Variants in SORL1 observed in about 807,000 individuals in gnomAD.
SORL1 encodes sortilin related receptor 1.
SORL1 carries 127 observed loss-of-function variants against 273.7 expected under a neutral mutation model. The observed-to-expected ratio is 0.46, with a 90% CI of 0.40 to 0.54. SORL1 has a LOEUF of 0.54. Among genes scored for constraint, SORL1 ranks in the 20% least tolerant of loss-of-function variants. SORL1 has a pLI of 0.00. For missense variants in SORL1, 2,494 were observed against 2,846.1 expected (o/e 0.88, Z 2.81); for synonymous variants, 1,031 against 1,067.4 (o/e 0.97, Z 0.66).
In SORL1 at chr11:121,631,553, CT is replaced by C. The variant is rs1863877018; in HGVS notation, c.*1991del. The C allele has an allele frequency of 6.6e-6, 1 of 152,124 alleles. No individual in the cohort carries two copies. Among genetic ancestry groups the C allele is most frequent in the African/African-American group, 2.4e-5 (1 of 41,416 alleles). The allele number at this position is 152,124 out of a possible 1,614,324, so 9.4% of individuals were successfully genotyped here. A position where few individuals can be genotyped will look rare whatever the true frequency, so the allele number is the denominator to read the frequency against. On this transcript the variant is annotated 3_prime_UTR_variant, in exon 48 of 48. Transcript: ENST00000260197. The stretch of plus-strand genomic sequence containing the variant: ...AGGAAGTGTATTTTCTTTTCTTTTT[CT>C]GCCAACTTTTTGGTGGCATTTGTAA...
intron 45 of SORL1, among the ~76,000 whole-genome samples, chr11:121,623,044 T>C (rs1863745948): frequency 6.6e-6 from 1 of 152,256 alleles, no homozygotes; most frequent in Non-Finnish European, 1.5e-5. Flanking sequence ...CCACACACTC[T>C]GTGAGAATTC....
intron 22 of SORL1, 64 bp downstream of exon 22, chr11:121,567,177 G>A: frequency 7.1e-7 from 1 of 1,411,450 alleles, no homozygotes; most frequent in Non-Finnish European, 9.8e-7. Flanking sequence ...CCCGCCAGGG[G>A]AGGGAGGGAT....
Position 121,570,184 on chromosome 11 carries a change from G to T in SORL1, c.3251G>T (p.Arg1084Leu). Residue 1084 changes from arginine to leucine, a missense_variant, in exon 23 of 48, where the codon CGC becomes CTC. Around this residue, in one of 3 missense-constraint regions of SORL1, gnomAD observed 1,609 missense variants for 1,816.4 expected, o/e 0.89. Coordinates refer to ENST00000260197, the MANE Select transcript of SORL1 (RefSeq NM_003105.6). ...AACACCTGTCTTCGCAACCAGTATCGCTGCAGCAACGGGAACTGTATCAAC... is the reference window on the plus strand; with the variant it reads ...AACACCTGTCTTCGCAACCAGTATCTCTGCAGCAACGGGAACTGTATCAAC... The part of the protein sequence containing the change: ...QENTCLRNQY[R>L]CSNGNCINSI... 6.2e-7 allele frequency: 1 copy of T among 1,613,770 alleles called. No homozygotes were observed. The highest frequency in any genetic ancestry group is 1.3e-5 in the African/African-American group (1 of 75,016).
In SORL1 at chr11:121,543,543, G is replaced by C; in HGVS notation, c.1686-5G>C. ...GCAAGGATTCTCTTACTTGCATTTG[G>C]GCAGATACAGTACCAATGAAGGGGA... is the stretch of plus-strand genomic sequence containing the variant. On this transcript the variant is annotated splice_polypyrimidine_tract_variant and splice_region_variant and intron_variant, in intron 12 of 47. Coordinates refer to ENST00000260197, the MANE Select transcript of SORL1 (RefSeq NM_003105.6). 2 of 1,608,728 alleles carry C rather than the reference G, an allele frequency of 1.2e-6. No homozygotes were observed. The highest frequency in any genetic ancestry group is 1.7e-6 in the Non-Finnish European group (2 of 1,175,698).
intron 39 of SORL1, 79 bp from the exon 40 acceptor site, chr11:121,612,657 G>A (rs1349677478): frequency 1.3e-5 from 14 of 1,041,534 alleles, no homozygotes; most frequent in Admixed American, 3.8e-5. Context: ...GGAAAGAGGT[G>A]TATTTTTAAT....
At chr11:121,529,417 A>T (rs545051485) in intron 11 of SORL1, among the ~76,000 whole-genome samples, 93 of 152,192 alleles carry the variant, frequency 6.1e-4, no homozygotes, top group Non-Finnish European at 1.1e-3. Context: ...GGGTTTCGCC[A>T]TGTTGGTTAG....
chr11:121,452,469 G>C lies in SORL1; in HGVS notation c.138G>C (p.Arg46=). The C allele has an allele frequency of 6.6e-7, 1 of 1,506,446 alleles. No individual in the cohort carries two copies. The highest frequency in any genetic ancestry group is 8.9e-7 in the Non-Finnish European group (1 of 1,128,630). The allele number at this position is 1,506,446 out of a possible 1,614,324, so 93.3% of individuals were successfully genotyped here. Residue 46 remains arginine (R), a synonymous_variant, in exon 1 of 48, where the codon CGG becomes CGC. Coordinates refer to ENST00000260197, the MANE Select transcript of SORL1 (RefSeq NM_003105.6). The surrounding 1 kb of genome is among the most constrained non-coding windows in gnomAD (Gnocchi z 5.3). ...GCAGCGCGCCCTTGCCCCAGGACCG[G>C]GGCTTCCTCGTGGTGCAGGGCGACC... is the stretch of plus-strand genomic sequence containing the variant. ...HGGSAPLPQD[R]GFLVVQGDPR...
At chr11:121,463,896 AT>A (rs1417744945) in intron 1 of SORL1, among the ~76,000 whole-genome samples, 2 of 152,176 alleles carry the variant, frequency 1.3e-5, no homozygotes, top group African/African-American at 4.8e-5. Flanking sequence ...CATACCTAGC[AT>A]TTAAGCCATG....
intron 32 of SORL1, among the ~76,000 whole-genome samples, chr11:121,600,211 G>A (rs1863366290): frequency 6.6e-6 from 1 of 152,166 alleles, no homozygotes; most frequent in African/African-American, 2.4e-5. Flanking sequence ...AAATAACTGC[G>A]ATTTTGGTCT....
intron 44 of SORL1, 52 bp downstream of exon 44, chr11:121,621,290 G>A (rs1863720756): frequency 6.6e-7 from 1 of 1,513,902 alleles, no homozygotes. Flanking sequence ...CCTCAGTGCT[G>A]TGCCGCTAGA....
Position 121,579,354 on chromosome 11 carries a change from TA to T in SORL1, c.3580+1957del, listed in dbSNP as rs1395425938. The stretch of plus-strand genomic sequence containing the variant: ...CATGACACCTCATTTTCAGACCTAC[TA>T]AATTAAGCTGCGTACAGTGCCAAAA... On this transcript the variant is annotated intron_variant, in intron 25 of 47. Transcript: ENST00000260197. Among the ~76,000 whole-genome samples, 12 of 152,358 alleles carry T rather than the reference TA, an allele frequency of 7.9e-5. No individual in the cohort carries two copies. In the East Asian group the frequency reaches 2.3e-3, roughly 29 times the overall value.
At chr11:121,496,836 A>G in intron 5 of SORL1, 33 bp from the exon 6 acceptor site, 3 of 1,575,474 alleles carry the variant, frequency 1.9e-6, no homozygotes, top group Non-Finnish European at 2.6e-6. Flanking sequence ...TAAATGTGCA[A>G]ATGATAACAA....
At chr11:121,564,494 G>A (rs1565337967) in intron 21 of SORL1, among the ~76,000 whole-genome samples, 1 of 152,094 alleles carries the variant, frequency 6.6e-6, no homozygotes, top group African/African-American at 2.4e-5. Flanking sequence ...CATATGAAAA[G>A]GTTAGTGAAA....
intron 21 of SORL1, among the ~76,000 whole-genome samples, chr11:121,561,938 T>G (rs639648): frequency 0.41 from 62,926 of 152,016 alleles, 16,382 homozygotes; most frequent in Non-Finnish European, 0.59. Flanking sequence ...CAGCCCAGTT[T>G]GGGTCAAATC....
At chr11:121,571,528 C>T (rs940421572) in intron 23 of SORL1, among the ~76,000 whole-genome samples, 1 of 152,246 alleles carries the variant, frequency 6.6e-6, no homozygotes, top group Non-Finnish European at 1.5e-5. Flanking sequence ...TCAGAGGCTT[C>T]TCTTTTATAT....
At chr11:121,490,275 G>A (rs1230916893) in intron 5 of SORL1, among the ~76,000 whole-genome samples, 165 bp downstream of exon 5, 1 of 152,178 alleles carries the variant, frequency 6.6e-6, no homozygotes, top group Non-Finnish European at 1.5e-5. Flanking sequence ...TGATCTCACT[G>A]TGGGAGAGAG....
In SORL1 at chr11:121,558,763, A is replaced by G. The variant is rs745891092; in HGVS notation, c.2836A>G (p.Ile946Val). 27 of 1,614,032 alleles carry G rather than the reference A, an allele frequency of 1.7e-5. No individual in the cohort carries two copies. Among genetic ancestry groups the G allele is most frequent in the Non-Finnish European group, 8.5e-6 (10 of 1,180,040 alleles). ...TGCCTACCTGGAGTGCATAGAGCGG[A>G]TCACGTTCAGTGGCCAGCAGCGCTC... ...TDAYLECIER[I>V]TFSGQQRSVI... Residue 946 changes from isoleucine to valine, a missense_variant, in exon 20 of 48, where the codon ATC becomes GTC. Physicochemically the swap from Ile to Val is conservative, Grantham distance 29 (BLOSUM62 3). Around this residue, in one of 3 missense-constraint regions of SORL1, gnomAD observed 1,609 missense variants for 1,816.4 expected, o/e 0.89. Transcript: ENST00000260197.
At chr11:121,547,706 C>G (rs57505943) in intron 14 of SORL1, among the ~76,000 whole-genome samples, 3 of 151,846 alleles carry the variant, frequency 2.0e-5, no homozygotes, top group Non-Finnish European at 4.4e-5. Context: ...AGCTGTTCCC[C>G]GCTCCACCCC....
chr11:121,506,565 G>T (rs906103333), intron 6 of SORL1, among the ~76,000 whole-genome samples: 1 of 152,156 alleles, frequency 6.6e-6, no homozygotes, highest in Admixed American at 6.5e-5. Flanking sequence ...TGCCCCCATG[G>T]TTCAGTTACC....
Sources: gnomAD v4.1 joint callset for allele counts (sites outside exome capture counted in the v4.1 genomes callset) on GRCh38, gnomAD v4.1.1 for gene constraint, gnomAD v4.1.1 regional missense constraint, Gnocchi (gnomAD v3.1) non-coding constraint, MANE v1.5 for transcripts, NCBI Gene and HGNC (gene_info 2026-07-23, HGNC 2026-07-21) for gene names.